HIVEP3: variants seen among roughly 807,000 people sequenced by gnomAD.
HIVEP3 encodes the protein HIVEP zinc finger 3.
A neutral mutation model predicts 152.8 loss-of-function variants in HIVEP3; 49 were observed. The ratio of observed to expected loss-of-function variants is 0.32; its 90% CI spans 0.26 to 0.41. HIVEP3 has a LOEUF of 0.41. Among genes scored for constraint, HIVEP3 ranks in the 10% least tolerant of loss-of-function variants. The pLI, the probability that HIVEP3 is intolerant of heterozygous loss-of-function variation, is 1.00. For synonymous variants in HIVEP3, 1,269 were observed against 1,289.0 expected (o/e 0.98, Z 0.33); for missense variants, 2,790 against 3,103.3 (o/e 0.90, Z 2.40).
intron 4 of HIVEP3, 110 bp from the exon 5 acceptor site, chr1:41,575,799 G>A: frequency 1.7e-6 from 2 of 1,199,412 alleles, no homozygotes; most frequent in Non-Finnish European, 2.4e-6. Context: ...GTACACATAT[G>A]CAATCTTCAC....
chr1:41,638,395 AAAG>A (rs1166081376), intron 2 of HIVEP3, among the ~76,000 whole-genome samples: 1 of 144,282 alleles, frequency 6.9e-6, no homozygotes, highest in Admixed American at 6.8e-5. Flanking sequence ...GAAAGAAAGA[AAAG>A]AAAGAAAGGA....
chr1:41,719,523 A>G (rs1324857932), intron 1 of HIVEP3, among the ~76,000 whole-genome samples: 1 of 152,144 alleles, frequency 6.6e-6, no homozygotes, highest in Non-Finnish European at 1.5e-5. Flanking sequence ...TGGATTTGTC[A>G]CTGACATGGA....
At chr1:41,780,875 G>C (rs1390613253) in intron 1 of HIVEP3, among the ~76,000 whole-genome samples, 11 of 152,118 alleles carry the variant, frequency 7.2e-5, no homozygotes, top group Admixed American at 7.2e-4. Flanking sequence ...CCTCCCCAGA[G>C]GCCACCAAGA....
At position 41,895,099 on chromosome 1, in the gene HIVEP3, C is replaced by T. The variant is rs374335797; in HGVS notation, c.-801+23314G>A. 1.2e-3 allele frequency among the ~76,000 whole-genome samples: 177 copies of T among 152,196 alleles called. 1 individual carries two copies. The highest frequency in any genetic ancestry group is 4.0e-3 in the African/African-American group (168 of 41,514). Reference sequence around the variant, plus strand: ...AAGCCCCACGCTGGAAAACTTGATCCTTTTATGAAAGGATGGACAGGCTCA... The same window carrying T: ...AAGCCCCACGCTGGAAAACTTGATCTTTTTATGAAAGGATGGACAGGCTCA... On this transcript the variant is annotated intron_variant, in intron 1 of 8. Coordinates refer to ENST00000372583, the MANE Select transcript of HIVEP3 (RefSeq NM_024503.5).
chr1:41,581,426 G>C lies in HIVEP3; in HGVS notation c.3372C>G (p.Phe1124Leu), dbSNP rs1421764557. The C allele has an allele frequency of 2.5e-6, 4 of 1,595,930 alleles. No individual in the cohort carries two copies. The highest frequency in any genetic ancestry group is 3.4e-6 in the Non-Finnish European group (4 of 1,171,440). Residue 1124 changes from phenylalanine (F) to leucine (L), a missense_variant, in exon 4 of 9, where the codon TTC (phenylalanine) becomes TTG (leucine). By Grantham distance (22) the Phe-to-Leu change is conservative (BLOSUM62 0). This residue lies in a region of HIVEP3 where 1,078 missense variants were observed against 1,165.3 expected (regional missense o/e 0.93). Coordinates refer to ENST00000372583, the MANE Select transcript of HIVEP3 (RefSeq NM_024503.5). The surrounding 1 kb of genome is among the most constrained non-coding windows in gnomAD (Gnocchi z 4.5). ...GGGGTGTCTGGGCAACGGGGTGGTG[G>C]AACACTTGCAGTGCTTCTGTGTAGG... Reference protein sequence around the residue: ...TVPYTEALQVFHHPVAQTPLH... With the variant: ...TVPYTEALQVLHHPVAQTPLH...
At chr1:41,989,036 A>C (rs1382714039) in intron 1 of HIVEP3, among the ~76,000 whole-genome samples, 2 of 152,206 alleles carry the variant, frequency 1.3e-5, no homozygotes, top group Non-Finnish European at 2.9e-5. Flanking sequence ...GAAGCAGAGA[A>C]TAAAAATGGT....
In HIVEP3 at chr1:41,507,786, G is replaced by A. The variant is rs1641879264; in HGVS notation, c.*2665C>T. On this transcript the variant is annotated 3_prime_UTR_variant, in exon 9 of 9. Coordinates refer to ENST00000372583, the MANE Select transcript of HIVEP3 (RefSeq NM_024503.5). ...GGCTGGGGGCTCTGTGCGCAGAGGA[G>A]CGGGACTAGAGTCCGGAGGAGGGGG... is the stretch of plus-strand genomic sequence containing the variant. The A allele has an allele frequency of 6.6e-6, 1 of 152,406 alleles. No homozygotes were observed. The highest frequency in any genetic ancestry group is 1.5e-5 in the Non-Finnish European group (1 of 68,174). 9.4% of individuals were successfully genotyped at this position (152,406 alleles called of 1,614,324 possible).
chr1:41,822,022 C>G (rs1642619673), intron 1 of HIVEP3, among the ~76,000 whole-genome samples: 1 of 152,184 alleles, frequency 6.6e-6, no homozygotes, highest in Admixed American at 6.5e-5. Flanking sequence ...TAAAATCATC[C>G]TTTTATTGCT....
At chr1:41,903,530 T>C (rs1644659593) in intron 1 of HIVEP3, among the ~76,000 whole-genome samples, 1 of 152,240 alleles carries the variant, frequency 6.6e-6, no homozygotes, top group Admixed American at 6.5e-5. Context: ...AAGACCACAC[T>C]TGCCCGACTT....
chr1:41,519,251 A>C (rs997006233), intron 6 of HIVEP3, among the ~76,000 whole-genome samples: 7 of 152,234 alleles, frequency 4.6e-5, no homozygotes, highest in Non-Finnish European at 1.0e-4. Context: ...CTCCATGCCT[A>C]CAAAGCCCTC....
chr1:42,026,105 T>C (rs1210512770), intron 1 of HIVEP3, among the ~76,000 whole-genome samples: 4 of 151,962 alleles, frequency 2.6e-5, no homozygotes, highest in African/African-American at 9.7e-5. Flanking sequence ...AAAAGGCTTG[T>C]CGGTCACGAT....
chr1:41,753,706 T>TAAATAAATAAA (rs371969654), intron 1 of HIVEP3, among the ~76,000 whole-genome samples: 1 of 149,468 alleles, frequency 6.7e-6, no homozygotes. Flanking sequence ...AATAAATAAA[T>TAAATAAATAAA]AAAAATAGAA....
chr1:41,926,199 G>A (rs1242908360), intron 1 of HIVEP3, among the ~76,000 whole-genome samples: 1 of 152,098 alleles, frequency 6.6e-6, no homozygotes, highest in African/African-American at 2.4e-5. Context: ...CTGTATCTGT[G>A]CCCTAAGCCA....
chr1:41,783,498 T>C (rs1383301745), intron 1 of HIVEP3, among the ~76,000 whole-genome samples: 1 of 152,136 alleles, frequency 6.6e-6, no homozygotes, highest in African/African-American at 2.4e-5. Context: ...CAATGTGGCA[T>C]AGGCCGGAGG....
chr1:41,791,612 A>AT (rs56120806), intron 1 of HIVEP3, among the ~76,000 whole-genome samples: 91,781 of 151,416 alleles, frequency 0.61, 28,930 homozygotes, highest in African/African-American at 0.79. Context: ...TTGCCTGGGA[A>AT]TGCTGATATT....
chr1:41,636,434 T>C (rs1645274926), intron 2 of HIVEP3, among the ~76,000 whole-genome samples: 1 of 152,232 alleles, frequency 6.6e-6, no homozygotes, highest in Non-Finnish European at 1.5e-5. Flanking sequence ...TGGACCTCAG[T>C]GCTCTTAATG....
rs1553130061 is a variant in HIVEP3, at chr1:41,893,910, T to TATA, written c.-801+24502_-801+24503insTAT. 7.8e-4 allele frequency among the ~76,000 whole-genome samples: 113 copies of TATA among 145,246 alleles called. 1 individual carries two copies. Among genetic ancestry groups the TATA allele is most frequent in the African/African-American group, 2.8e-3 (110 of 39,082 alleles). ...AATATGCATATATAATATTTATTTT[T>TATA]TATATATATATATATAAATTGTCTT... is the stretch of plus-strand genomic sequence containing the variant. On this transcript the variant is annotated intron_variant, in intron 1 of 8. Coordinates refer to ENST00000372583, the MANE Select transcript of HIVEP3 (RefSeq NM_024503.5).
At chr1:41,690,727 G>T (rs1314251957) in intron 2 of HIVEP3, among the ~76,000 whole-genome samples, 1 of 152,218 alleles carries the variant, frequency 6.6e-6, no homozygotes, top group Admixed American at 6.5e-5. Flanking sequence ...AGACCAGCCT[G>T]GCCAACATGG....
At chr1:41,544,658 CACT>C (rs1453624374) in intron 5 of HIVEP3, among the ~76,000 whole-genome samples, 19 of 147,852 alleles carry the variant, frequency 1.3e-4, no homozygotes, top group East Asian at 4.1e-4. Context: ...CCACTACCAC[CACT>C]ACTACCACCA....
Sources: allele counts gnomAD v4.1 joint callset (sites outside exome capture counted in the v4.1 genomes callset), GRCh38; gene constraint gnomAD v4.1.1; regional missense constraint gnomAD v4.1.1; non-coding constraint Gnocchi (gnomAD v3.1); transcripts MANE v1.5; gene names NCBI Gene and HGNC (gene_info 2026-07-23, HGNC 2026-07-21).